Variants in CCDC15 observed in about 807,000 individuals in gnomAD.
CCDC15 encodes the protein coiled-coil domain-containing protein 15.
In CCDC15, 105 loss-of-function variants were observed where a neutral mutation model predicts 114.5. The ratio of observed to expected loss-of-function variants is 0.92; its 90% CI spans 0.78 to 1.08. The LOEUF (loss-of-function observed/expected upper bound fraction) is 1.08, where lower values mean the gene tolerates loss of function less well. CCDC15 is among the 50% of genes least tolerant of loss of function. The probability of loss-of-function intolerance (pLI) is 0.00; values close to 1 mark genes in which losing one functional copy is unlikely to be tolerated. For missense variants in CCDC15, 1,105 were observed against 1,093.6 expected (o/e 1.01, Z -0.15); for synonymous variants, 334 against 377.8 (o/e 0.88, Z 1.34).
chr11:125,024,340 T>A (rs534609678), intron 13 of CCDC15, among the ~76,000 whole-genome samples: 3 of 152,198 alleles, frequency 2.0e-5, no homozygotes, highest in Admixed American at 6.5e-5. Flanking sequence ...AAATTAGTGT[T>A]TCAGTTTCTA....
intron 8 of CCDC15, 65 bp from the exon 9 acceptor site, chr11:124,991,396 A>C: frequency 8.7e-7 from 1 of 1,154,068 alleles, no homozygotes; most frequent in East Asian, 2.6e-5. Context: ...TGAAGCCTAG[A>C]ATATTATTGC....
chr11:124,995,340 A>T (rs1948347231), intron 11 of CCDC15, among the ~76,000 whole-genome samples: 2 of 152,160 alleles, frequency 1.3e-5, no homozygotes, highest in South Asian at 4.2e-4. Context: ...TTTTCAGTAC[A>T]AAACAATTTG....
chr11:124,960,912 A>C (rs183811278), intron 4 of CCDC15, among the ~76,000 whole-genome samples: 1 of 152,226 alleles, frequency 6.6e-6, no homozygotes, highest in Non-Finnish European at 1.5e-5. Flanking sequence ...TGAGTATGTG[A>C]AAATAAAAGC....
chr11:124,957,967 G>T (rs1947578714), intron 2 of CCDC15, among the ~76,000 whole-genome samples: 1 of 152,138 alleles, frequency 6.6e-6, no homozygotes, highest in South Asian at 2.1e-4. Context: ...GAACATAATT[G>T]TTGGAGTCAG....
chr11:125,002,198 A>G (rs1452471302), intron 11 of CCDC15, among the ~76,000 whole-genome samples: 2 of 152,170 alleles, frequency 1.3e-5, no homozygotes, highest in Admixed American at 1.3e-4. Context: ...CCATTTGTAT[A>G]TCTTGTTTGG....
chr11:125,037,786 T>TA (rs746555201), intron 13 of CCDC15, among the ~76,000 whole-genome samples: 2 of 152,238 alleles, frequency 1.3e-5, no homozygotes, highest in Non-Finnish European at 2.9e-5. Flanking sequence ...TAAAACTTTT[T>TA]AAATTTTTTT....
intron 4 of CCDC15, 84 bp downstream of exon 4, chr11:124,960,087 A>G: frequency 1.1e-6 from 1 of 949,262 alleles, no homozygotes; most frequent in Non-Finnish European, 1.4e-6. Flanking sequence ...GGTATGAGGT[A>G]GGGATTAAGA....
At chr11:124,995,720 G>C (rs1361972611) in intron 11 of CCDC15, among the ~76,000 whole-genome samples, 3 of 152,136 alleles carry the variant, frequency 2.0e-5, no homozygotes, top group Non-Finnish European at 4.4e-5. Context: ...GCACACAAGA[G>C]GGGTACTTAC....
Position 125,040,738 on chromosome 11 carries a change from T to C in CCDC15, c.*27T>C. ...AAGAATCTGAAATTAACTGGTAGTA[T>C]TTTGGCTTTTACTTAAAATCATCCC... On this transcript the variant is annotated 3_prime_UTR_variant, in exon 16 of 16. Coordinates refer to ENST00000344762, the MANE Select transcript of CCDC15 (RefSeq NM_025004.3). The C allele has an allele frequency of 6.2e-7, 1 of 1,600,932 alleles. No individual in the cohort carries two copies. The highest frequency in any genetic ancestry group is 8.5e-7 in the Non-Finnish European group (1 of 1,172,190).
At chr11:124,961,429 A>G (rs1264936078) in intron 4 of CCDC15, among the ~76,000 whole-genome samples, 1 of 152,226 alleles carries the variant, frequency 6.6e-6, no homozygotes, top group Non-Finnish European at 1.5e-5. Flanking sequence ...AAGTTGTGCT[A>G]TGGGAGTTCA....
chr11:124,971,214 C>T (rs2135451238), intron 4 of CCDC15, among the ~76,000 whole-genome samples: 1 of 152,234 alleles, frequency 6.6e-6, no homozygotes, highest in South Asian at 2.1e-4. Context: ...GGAAAACTAA[C>T]AAACAGAAAG....
At chr11:124,993,269 C>G (rs945806620) in intron 11 of CCDC15, 26 bp downstream of exon 11, 1 of 1,417,070 alleles carries the variant, frequency 7.1e-7, no homozygotes, top group Non-Finnish European at 9.9e-7. Flanking sequence ...TATTCAAGAT[C>G]TAGTCTCTTC....
At chr11:124,962,324 A>G (rs908545983) in intron 4 of CCDC15, among the ~76,000 whole-genome samples, 11 of 152,222 alleles carry the variant, frequency 7.2e-5, no homozygotes, top group Admixed American at 6.5e-4. Context: ...TTATAGAAAC[A>G]TGTGATCTTG....
chr11:124,990,851 G>T (rs2135490669), intron 8 of CCDC15, among the ~76,000 whole-genome samples: 1 of 152,280 alleles, frequency 6.6e-6, no homozygotes, highest in East Asian at 1.9e-4. Context: ...CTTTCACACA[G>T]GTTCCAAGGC....
At chr11:124,986,700 T>TGTGTGTGTGTGTGTGTGAGC in intron 6 of CCDC15, 42 bp from the exon 7 acceptor site, 1 of 1,351,588 alleles carries the variant, frequency 7.4e-7, no homozygotes, top group Non-Finnish European at 9.9e-7. Flanking sequence ...TTTGTGTGTG[T>TGTGTGTGTGTGTGTGTGAGC]GCGCGCGCGC....
At chr11:124,994,313 A>G (rs1406356421) in intron 11 of CCDC15, among the ~76,000 whole-genome samples, 2 of 152,134 alleles carry the variant, frequency 1.3e-5, no homozygotes, top group Non-Finnish European at 2.9e-5. Flanking sequence ...GAATTTGGAC[A>G]AGATTATAGG....
In CCDC15 at chr11:125,011,248, A is replaced by ATTTTTTTTT. The variant is rs71478462; in HGVS notation, c.2411+6042_2411+6043insTTTTTTTTT. On this transcript the variant is annotated intron_variant, in intron 13 of 15. Transcript: ENST00000344762. ...TATTATTATTATTATTATTATTATTATTTTTTAAGATGGAGTTTCACTCTT... is the reference window on the plus strand; with the variant it reads ...TATTATTATTATTATTATTATTATTATTTTTTTTTTTTTTTAAGATGGAGTTTCACTCTT... Among the ~76,000 whole-genome samples, 147 of 147,236 alleles carry ATTTTTTTTT rather than the reference A, an allele frequency of 1.0e-3. 5 individuals are homozygous for ATTTTTTTTT. The highest frequency in any genetic ancestry group is 2.9e-3 in the African/African-American group (115 of 39,972).
At chr11:125,038,895 T>C in intron 14 of CCDC15, 26 bp from the exon 15 acceptor site, 2 of 1,593,772 alleles carry the variant, frequency 1.3e-6, no homozygotes, top group Non-Finnish European at 1.7e-6. Flanking sequence ...TAGTTCACTT[T>C]GCCTGATTAT....
At chr11:125,000,650 C>A (rs1948464656) in intron 11 of CCDC15, among the ~76,000 whole-genome samples, 1 of 152,084 alleles carries the variant, frequency 6.6e-6, no homozygotes, top group Non-Finnish European at 1.5e-5. Flanking sequence ...AAAAGATAAC[C>A]ACAAATTTTA....
Sources: allele counts gnomAD v4.1 joint callset (sites outside exome capture counted in the v4.1 genomes callset), GRCh38; gene constraint gnomAD v4.1.1; transcripts MANE v1.5; gene names NCBI Gene and HGNC (gene_info 2026-07-23, HGNC 2026-07-21).